The following PPP2R5C variants were observed in gnomAD, a reference collection of about 807,000 sequenced individuals.
PPP2R5C encodes serine/threonine-protein phosphatase 2A 56 kDa regulatory subunit gamma isoform.
PPP2R5C carries 7 observed loss-of-function variants against 68.9 expected under a neutral mutation model. The ratio of observed to expected loss-of-function variants is 0.10; its 90% CI spans 0.06 to 0.19. PPP2R5C has a LOEUF of 0.19. PPP2R5C is among the 10% of genes least tolerant of loss of function. The pLI is 1.00. For synonymous variants in PPP2R5C, 210 were observed against 222.2 expected (o/e 0.95, Z 0.49); for missense variants, 348 against 641.3 (o/e 0.54, Z 4.94).
At chr14:101,767,544 G>T (rs933983641) in intron 2 of PPP2R5C, among the ~76,000 whole-genome samples, 3 of 151,900 alleles carry the variant, frequency 2.0e-5, no homozygotes, top group African/African-American at 7.3e-5. Context: ...ACCTCCCTAT[G>T]CCTTAGCTTC....
intron 2 of PPP2R5C, among the ~76,000 whole-genome samples, chr14:101,862,140 T>C (rs2042784743): frequency 6.6e-6 from 1 of 152,152 alleles, no homozygotes; most frequent in Admixed American, 6.5e-5. Context: ...GGTCTCGAAC[T>C]CCTGTGCTCA....
chr14:101,772,119 A>G (rs2037181006), intron 2 of PPP2R5C, among the ~76,000 whole-genome samples: 1 of 152,114 alleles, frequency 6.6e-6, no homozygotes, highest in Non-Finnish European at 1.5e-5. Context: ...TTCTTATGGG[A>G]GTGTATTTAA....
At chr14:101,775,438 C>T (rs1479046874) in intron 2 of PPP2R5C, among the ~76,000 whole-genome samples, 1 of 152,232 alleles carries the variant, frequency 6.6e-6, no homozygotes, top group Non-Finnish European at 1.5e-5. Flanking sequence ...TTGCCTTTTA[C>T]TCCCAATATA....
At chr14:101,892,830 G>A (rs753588365) in intron 6 of PPP2R5C, among the ~76,000 whole-genome samples, 170 bp from the exon 9 acceptor site, 7 of 151,990 alleles carry the variant, frequency 4.6e-5, no homozygotes, top group Non-Finnish European at 1.0e-4. Context: ...TGATCCTGCC[G>A]CCTCAGCCTC....
At position 101,917,802 on chromosome 14, in the gene PPP2R5C, A is replaced by G; in HGVS notation, c.1327-29A>G. 1.2e-6 allele frequency: 2 copies of G among 1,612,374 alleles called. No individual in the cohort carries two copies. The highest frequency in any genetic ancestry group is 1.7e-6 in the Non-Finnish European group (2 of 1,178,934). On this transcript the variant is annotated intron_variant, in intron 12 of 13. Coordinates refer to ENST00000334743, the Ensembl canonical transcript of PPP2R5C. The surrounding 1 kb of genome is among the most constrained non-coding windows in gnomAD (Gnocchi z 4.4). ...TTGGAGTTCAGAGCCTGGGCACCTAACAGAGCGACTCCACGCTTTGCATTG... is the reference window on the plus strand; with the variant it reads ...TTGGAGTTCAGAGCCTGGGCACCTAGCAGAGCGACTCCACGCTTTGCATTG...
intron 2 of PPP2R5C, among the ~76,000 whole-genome samples, chr14:101,880,807 A>T (rs1375979905): frequency 6.6e-6 from 1 of 152,184 alleles, no homozygotes. Context: ...AGAGGAAAAA[A>T]GAAAAGGGAA....
exon 11 of PPP2R5C, chr14:101,909,667 A>G (rs2046275794): frequency 2.5e-6 from 4 of 1,606,182 alleles, no homozygotes; most frequent in East Asian, 2.2e-5. Context: ...ACTGTACACA[A>G]CAGTTCAAAG....
intron 1 of PPP2R5C, among the ~76,000 whole-genome samples, chr14:101,841,020 C>G (rs987659229): frequency 6.6e-6 from 1 of 152,158 alleles, no homozygotes; most frequent in Non-Finnish European, 1.5e-5. Flanking sequence ...AAAACAAAAA[C>G]AACATTTATT....
rs558330612 is a variant in PPP2R5C, at chr14:101,879,652, C to T, written c.295-2509C>T. 2.0e-5 allele frequency among the ~76,000 whole-genome samples: 3 copies of T among 152,338 alleles called. No individual in the cohort carries two copies. The East Asian group carries it at 5.8e-4, about 29-fold the overall frequency. ...TGTCGGCACCAGGCCGGGCCCACAG[C>T]TCTAACCCACCGAAGAACAAAGTGC... On this transcript the variant is annotated intron_variant, in intron 2 of 13. Coordinates refer to ENST00000334743, the Ensembl canonical transcript of PPP2R5C. The surrounding 1 kb of genome is among the most constrained non-coding windows in gnomAD (Gnocchi z 4.2).
chr14:101,772,042 T>G (rs760146145), intron 2 of PPP2R5C, among the ~76,000 whole-genome samples: 1 of 152,136 alleles, frequency 6.6e-6, no homozygotes, highest in African/African-American at 2.4e-5. Flanking sequence ...TGTGGAACAT[T>G]TGCAGCTTCA....
At position 101,922,416 on chromosome 14, in the gene PPP2R5C, G is replaced by A. The variant is rs185069228; in HGVS notation, c.1444-2725G>A. Among the ~76,000 whole-genome samples the A allele has an allele frequency of 1.5e-3, 228 of 152,280 alleles. 2 individuals are homozygous for A. Among genetic ancestry groups the A allele is most frequent in the Non-Finnish European group, 1.2e-3 (80 of 68,018 alleles). On this transcript the variant is annotated intron_variant, in intron 13 of 13. Transcript: ENST00000334743. ...AGGCAGGAGAATCGCTTGAACCCAG[G>A]AGGTGGAGGTTGCAGTGAGCCGAGG... is the stretch of plus-strand genomic sequence containing the variant.
At chr14:101,898,567 G>A (rs1302613280) in intron 8 of PPP2R5C, among the ~76,000 whole-genome samples, 1 of 152,164 alleles carries the variant, frequency 6.6e-6, no homozygotes, top group East Asian at 1.9e-4. Context: ...GTCTAAAAGA[G>A]GGCAAGAGAC....
intron 2 of PPP2R5C, among the ~76,000 whole-genome samples, chr14:101,870,097 T>C (rs1342638472): frequency 7.0e-6 from 1 of 142,624 alleles, no homozygotes; most frequent in African/African-American, 2.7e-5. Flanking sequence ...TCTTTACATA[T>C]CTGGGTACAG....
intron 1 of PPP2R5C, among the ~76,000 whole-genome samples, chr14:101,829,377 T>A (rs549045925): frequency 6.6e-6 from 1 of 152,272 alleles, no homozygotes; most frequent in South Asian, 2.1e-4. Flanking sequence ...CAGCTACCAT[T>A]CATTTCCTGA....
intron 3 of PPP2R5C, among the ~76,000 whole-genome samples, chr14:101,798,704 G>C (rs1434451397): frequency 1.3e-5 from 2 of 152,220 alleles, no homozygotes; most frequent in African/African-American, 4.8e-5. Context: ...TGGCCCATTG[G>C]GCTGTGGAAG....
At chr14:101,776,114 T>G (rs917203880) in intron 2 of PPP2R5C, among the ~76,000 whole-genome samples, 1 of 144,224 alleles carries the variant, frequency 6.9e-6, no homozygotes, top group Non-Finnish European at 1.5e-5. Flanking sequence ...GCCACAGTGC[T>G]CGCTTGGAAC....
chr14:101,877,190 C>G lies in PPP2R5C; in HGVS notation c.295-4971C>G, dbSNP rs574042758. On this transcript the variant is annotated intron_variant, in intron 2 of 13. Transcript: ENST00000334743. The surrounding 1 kb of genome is among the most constrained non-coding windows in gnomAD (Gnocchi z 4.2). Reference sequence around the variant, plus strand: ...TCTTGAACTCTTGACCTCAAGTGATCCACCCGCCTCGGCCTCCCAAAGTGC... The same window carrying G: ...TCTTGAACTCTTGACCTCAAGTGATGCACCCGCCTCGGCCTCCCAAAGTGC... 2.6e-4 allele frequency among the ~76,000 whole-genome samples: 40 copies of G among 152,132 alleles called. No homozygotes were observed. Among genetic ancestry groups the G allele is most frequent in the Non-Finnish European group, 4.9e-4 (33 of 67,986 alleles).
upstream of PPP2R5C, among the ~76,000 whole-genome samples, chr14:101,761,079 G>GGGGAGGGGA (rs1246198287): frequency 2.1e-5 from 3 of 145,752 alleles, no homozygotes; most frequent in East Asian, 2.1e-4. Context: ...GAGGAGGGAA[G>GGGGAGGGGA]GGGAGGGGAG....
At chr14:101,774,518 C>T (rs139945279) in intron 2 of PPP2R5C, among the ~76,000 whole-genome samples, 21 of 152,300 alleles carry the variant, frequency 1.4e-4, no homozygotes, top group East Asian at 3.9e-4. Context: ...TCTCTGAGTG[C>T]GTGGCCTCGG....
Sources: gnomAD v4.1 joint callset for allele counts (sites outside exome capture counted in the v4.1 genomes callset) on GRCh38, gnomAD v4.1.1 for gene constraint, Gnocchi (gnomAD v3.1) non-coding constraint, MANE v1.5 for transcripts, NCBI Gene and HGNC (gene_info 2026-07-23, HGNC 2026-07-21) for gene names.